The following DNAAF11 variants were observed in gnomAD, a reference collection of about 807,000 sequenced individuals.
The protein encoded by DNAAF11 is dynein axonemal assembly factor 11, also known as leucine rich repeat containing 6.
In DNAAF11, 45 loss-of-function variants were observed where a neutral mutation model predicts 60.8. The observed-to-expected ratio is 0.74, with a 90% CI of 0.58 to 0.95. The LOEUF (loss-of-function observed/expected upper bound fraction) is 0.95. Ranked by LOEUF, DNAAF11 falls within the 40% of genes least tolerant of loss-of-function variation. The pLI is 0.00. For synonymous variants in DNAAF11, 191 were observed against 183.5 expected (o/e 1.04, Z -0.33); for missense variants, 546 against 546.2 (o/e 1.00, Z 0.00).
intron 10 of DNAAF11, among the ~76,000 whole-genome samples, chr8:132,603,387 G>A (rs562473042): frequency 6.6e-6 from 1 of 152,252 alleles, no homozygotes; most frequent in East Asian, 1.9e-4. Context: ...TGAAGCACCT[G>A]GTGGCAAAGG....
At chr8:132,670,087 C>CT in intron 1 of DNAAF11, among the ~76,000 whole-genome samples, 1 of 151,842 alleles carries the variant, frequency 6.6e-6, no homozygotes, top group Non-Finnish European at 1.5e-5. Context: ...TTGGCTTCCA[C>CT]TTTAAGGATC....
the DNAAF11 span, among the ~76,000 whole-genome samples, chr8:132,686,538 A>C: frequency 1.3e-5 from 2 of 152,078 alleles, no homozygotes; most frequent in African/African-American, 2.4e-5. Flanking sequence ...TGCATTGCGG[A>C]AACTGGATTA....
At chr8:132,690,962 T>A in the DNAAF11 span, among the ~76,000 whole-genome samples, 3 of 152,184 alleles carry the variant, frequency 2.0e-5, no homozygotes, top group African/African-American at 7.2e-5. Context: ...AAGTAGTATT[T>A]GTCAGATTTC....
rs1254965374 is a variant in DNAAF11, at chr8:132,618,640, C to T, written c.915-3543G>A. Among the ~76,000 whole-genome samples the T allele has an allele frequency of 1.7e-4, 24 of 143,156 alleles. 1 individual carries two copies. The highest frequency in any genetic ancestry group is 6.0e-4 in the East Asian group (3 of 4,980). The allele number at this position is 143,156 out of a possible 152,430, so 93.9% of individuals were successfully genotyped here. ...ACCCCATCAAAAAGTGGGTGAAGGA[C>T]ATGAACAGACACTTCTCAAAAGAAG... On this transcript the variant is annotated intron_variant, in intron 7 of 11. Transcript: ENST00000620350.
intron 10 of DNAAF11, among the ~76,000 whole-genome samples, chr8:132,604,652 G>A (rs771691506): frequency 6.6e-6 from 1 of 152,008 alleles, no homozygotes; most frequent in Non-Finnish European, 1.5e-5. Context: ...GATATCCTCC[G>A]GATGATGATG....
At chr8:132,643,837 G>A (rs1030682670) in intron 3 of DNAAF11, among the ~76,000 whole-genome samples, 3 of 152,200 alleles carry the variant, frequency 2.0e-5, no homozygotes, top group Non-Finnish European at 2.9e-5. Context: ...AGGACTTAGA[G>A]GTCTGAGGGG....
rs971453750 is a variant in DNAAF11 at position 132,639,648 on chromosome 8, C to T, written c.257-1541G>A. On this transcript the variant is annotated intron_variant, in intron 3 of 11. Coordinates refer to ENST00000620350, the MANE Select transcript of DNAAF11 (RefSeq NM_012472.6). ...TTCTCTCCGTGTTCCTAGATCCTATCACCTGACTCAATCTTGTCCAGAATT... is the reference window on the plus strand; with the variant it reads ...TTCTCTCCGTGTTCCTAGATCCTATTACCTGACTCAATCTTGTCCAGAATT... Among the ~76,000 whole-genome samples, 26 of 152,276 alleles carry T rather than the reference C, an allele frequency of 1.7e-4. No homozygotes were observed. In the South Asian group the frequency reaches 5.4e-3, roughly 32 times the overall value.
intron 7 of DNAAF11, among the ~76,000 whole-genome samples, chr8:132,617,806 C>G (rs1392003349): frequency 1.3e-5 from 2 of 151,280 alleles, no homozygotes; most frequent in Non-Finnish European, 2.9e-5. Context: ...AGGATACAAA[C>G]AAATGGAAGA....
At chr8:132,649,101 T>A (rs1822722730) in intron 3 of DNAAF11, among the ~76,000 whole-genome samples, 3 of 152,174 alleles carry the variant, frequency 2.0e-5, no homozygotes, top group African/African-American at 7.2e-5. Flanking sequence ...GGCATCACAC[T>A]ACCTGACTTC....
upstream of DNAAF11, among the ~76,000 whole-genome samples, chr8:132,678,599 G>A (rs545271015): frequency 7.9e-5 from 12 of 152,016 alleles, no homozygotes; most frequent in Non-Finnish European, 1.5e-4. Flanking sequence ...TGCCCAGGCT[G>A]GTCTTGAACT....
intron 3 of DNAAF11, among the ~76,000 whole-genome samples, chr8:132,656,552 A>G (rs892450955): frequency 1.3e-5 from 2 of 151,986 alleles, no homozygotes; most frequent in Non-Finnish European, 2.9e-5. Context: ...GCTCACTGCA[A>G]CCTCCGCCTC....
the DNAAF11 span, among the ~76,000 whole-genome samples, chr8:132,697,434 A>C: frequency 1.3e-5 from 2 of 152,130 alleles, no homozygotes; most frequent in African/African-American, 2.4e-5. Context: ...CCTAGCCAAG[A>C]TGGCAAAACC....
chr8:132,587,268 A>C (rs1816006188), intron 10 of DNAAF11, among the ~76,000 whole-genome samples: 1 of 152,182 alleles, frequency 6.6e-6, no homozygotes, highest in Admixed American at 6.5e-5. Flanking sequence ...TTTAAAAGGT[A>C]TTTTCAGCTC....
intron 8 of DNAAF11, among the ~76,000 whole-genome samples, chr8:132,613,156 G>A (rs1237324416): frequency 6.6e-6 from 1 of 152,194 alleles, no homozygotes. Flanking sequence ...CAGCAAGCAG[G>A]CAGAAGAATT....
At chr8:132,598,991 T>C (rs1327215224) in intron 10 of DNAAF11, among the ~76,000 whole-genome samples, 1 of 152,048 alleles carries the variant, frequency 6.6e-6, no homozygotes, top group Non-Finnish European at 1.5e-5. Flanking sequence ...AGGAGCTGGT[T>C]TTTTGAAAAG....
the DNAAF11 span, among the ~76,000 whole-genome samples, chr8:132,692,600 A>G: frequency 6.6e-6 from 1 of 152,204 alleles, no homozygotes; most frequent in South Asian, 2.1e-4. Flanking sequence ...AGGTATTGAT[A>G]TAGCCTAGTC....
At chr8:132,680,005 A>G (rs941622336), upstream of DNAAF11, among the ~76,000 whole-genome samples, 5 of 152,212 alleles carry the variant, frequency 3.3e-5, no homozygotes, top group East Asian at 7.7e-4. Flanking sequence ...GCAGTTTGTC[A>G]TAGGCCAGGC....
intron 11 of DNAAF11, among the ~76,000 whole-genome samples, chr8:132,574,219 A>G (rs575344205): frequency 6.6e-6 from 1 of 152,330 alleles, no homozygotes; most frequent in South Asian, 2.1e-4. Flanking sequence ...TTGGTGGCTG[A>G]CTGTGCAGAA....
chr8:132,633,654 C>T (rs919919136), intron 4 of DNAAF11, among the ~76,000 whole-genome samples: 6 of 152,050 alleles, frequency 3.9e-5, no homozygotes, highest in African/African-American at 1.4e-4. Context: ...CCTTACATGG[C>T]AAAAGGGGCT....
Sources: allele counts gnomAD v4.1 joint callset (sites outside exome capture counted in the v4.1 genomes callset), GRCh38; gene constraint gnomAD v4.1.1; transcripts MANE v1.5; gene names NCBI Gene and HGNC (gene_info 2026-07-23, HGNC 2026-07-21).